Variants in UST observed in about 807,000 individuals in gnomAD.
UST encodes the protein chondroitin sulfate 2-O-sulfotransferase.
A neutral mutation model predicts 45.6 loss-of-function variants in UST; 21 were observed. The ratio of observed to expected loss-of-function variants is 0.46; its 90% confidence interval spans 0.33 to 0.66. UST has a LOEUF of 0.66. Among genes scored for constraint, UST ranks in the 30% least tolerant of loss-of-function variants. The pLI, the probability that UST is intolerant of heterozygous loss-of-function variation, is 0.02. For synonymous variants in UST, 215 were observed against 200.6 expected, an observed-to-expected ratio of 1.07 and a Z score of -0.61; for missense variants, 463 against 512.4, an observed-to-expected ratio of 0.90 and a Z score of 0.93.
intron 2 of UST, among the ~76,000 whole-genome samples, chr6:148,916,974 C>T (rs1241725682): frequency 6.6e-6 from 1 of 152,232 alleles, no homozygotes; most frequent in African/African-American, 2.4e-5. Context: ...TTCCCTTCCT[C>T]CCTTCCAGCT....
chr6:148,948,426 A>G (rs1431360359), intron 3 of UST, among the ~76,000 whole-genome samples: 1 of 152,218 alleles, frequency 6.6e-6, no homozygotes, highest in East Asian at 1.9e-4. Flanking sequence ...TGTTGGTAGA[A>G]CTGCAGGTAA....
intron 1 of UST, among the ~76,000 whole-genome samples, chr6:148,876,663 G>A (rs994551608): frequency 1.8e-4 from 28 of 152,060 alleles, no homozygotes; most frequent in African/African-American, 6.8e-4. Context: ...GATTGTGTCT[G>A]ATTGTGGCTA....
intron 1 of UST, among the ~76,000 whole-genome samples, chr6:148,829,362 T>C (rs570225021): frequency 2.9e-4 from 44 of 152,348 alleles, no homozygotes; most frequent in African/African-American, 1.1e-3. Flanking sequence ...TCTGCACTAA[T>C]GACCCTCTCT....
intron 2 of UST, among the ~76,000 whole-genome samples, chr6:148,908,094 A>T (rs772692350): frequency 6.6e-6 from 1 of 151,908 alleles, no homozygotes; most frequent in South Asian, 2.1e-4. Context: ...TTTTTAGTAG[A>T]GATATGGTTT....
At chr6:149,026,968 A>C (rs1241213641) in intron 7 of UST, among the ~76,000 whole-genome samples, 3 of 152,300 alleles carry the variant, frequency 2.0e-5, no homozygotes, top group South Asian at 4.1e-4. Flanking sequence ...CTTAAATCCT[A>C]ACTTTGAGGA....
intron 1 of UST, among the ~76,000 whole-genome samples, chr6:148,839,398 A>G (rs59540564): frequency 6.6e-6 from 1 of 152,044 alleles, no homozygotes; most frequent in Non-Finnish European, 1.5e-5. Flanking sequence ...TCTAAAGCCA[A>G]CCTCTCTGCT....
chr6:148,792,685 G>A (rs1776873581), intron 1 of UST, among the ~76,000 whole-genome samples: 1 of 152,076 alleles, frequency 6.6e-6, no homozygotes, highest in South Asian at 2.1e-4. Flanking sequence ...GCCATTTTCT[G>A]GGATCTATTT....
At chr6:148,792,172 A>G (rs1776861649) in intron 1 of UST, among the ~76,000 whole-genome samples, 1 of 152,202 alleles carries the variant, frequency 6.6e-6, no homozygotes, top group Admixed American at 6.5e-5. Context: ...ATTGGTATTC[A>G]CTGTTGCTGA....
At chr6:148,964,592 C>T in intron 5 of UST, 29 bp downstream of exon 5, 1 of 1,610,750 alleles carries the variant, frequency 6.2e-7, no homozygotes, top group Non-Finnish European at 8.5e-7. Flanking sequence ...AAAAGGCGGT[C>T]TCCCCACTGC....
intron 1 of UST, among the ~76,000 whole-genome samples, chr6:148,774,091 AG>A (rs1776484659): frequency 6.6e-6 from 1 of 152,174 alleles, no homozygotes; most frequent in Non-Finnish European, 1.5e-5. Flanking sequence ...ACCCTTTTGC[AG>A]GTCACGTGGC....
At chr6:148,757,006 T>G (rs1159711976) in intron 1 of UST, among the ~76,000 whole-genome samples, 3 of 152,248 alleles carry the variant, frequency 2.0e-5, no homozygotes, top group Admixed American at 6.5e-5. Flanking sequence ...TTATGACATA[T>G]GAGTACATAT....
chr6:148,900,797 C>G (rs757094407), intron 2 of UST, among the ~76,000 whole-genome samples: 5 of 152,216 alleles, frequency 3.3e-5, no homozygotes, highest in Non-Finnish European at 7.3e-5. Flanking sequence ...TGAAATGGGT[C>G]TCACTGGGCT....
intron 5 of UST, among the ~76,000 whole-genome samples, chr6:148,980,343 A>C (rs1781105699): frequency 6.6e-6 from 1 of 152,140 alleles, no homozygotes; most frequent in Admixed American, 6.5e-5. Flanking sequence ...GGCTGCTGCC[A>C]ACACCACAGT....
chr6:148,774,410 G>A (rs1776491438), intron 1 of UST, among the ~76,000 whole-genome samples: 1 of 151,882 alleles, frequency 6.6e-6, no homozygotes. Flanking sequence ...TGTGAAATGT[G>A]TAAAATCTTT....
chr6:148,882,378 C>G (rs948924519), intron 1 of UST, among the ~76,000 whole-genome samples: 1 of 148,566 alleles, frequency 6.7e-6, no homozygotes, highest in Non-Finnish European at 1.5e-5. Context: ...CCCAGCTACT[C>G]GGGAGGCTGA....
intron 5 of UST, among the ~76,000 whole-genome samples, chr6:149,015,116 G>A (rs1011969324): frequency 2.0e-5 from 3 of 152,054 alleles, no homozygotes; most frequent in Non-Finnish European, 2.9e-5. Flanking sequence ...GAGACCAGCC[G>A]GCCCTTTAGA....
intron 2 of UST, among the ~76,000 whole-genome samples, chr6:148,930,834 A>T (rs1042622692): frequency 1.3e-5 from 2 of 152,252 alleles, no homozygotes; most frequent in African/African-American, 4.8e-5. Flanking sequence ...CAGCTAAGAG[A>T]TTTAAACAAT....
At chr6:148,921,442 T>A (rs1375825580) in intron 2 of UST, among the ~76,000 whole-genome samples, 1 of 152,246 alleles carries the variant, frequency 6.6e-6, no homozygotes, top group South Asian at 2.1e-4. Flanking sequence ...TTGTATAGTA[T>A]GCTTGTTGTT....
chr6:148,776,902 C>CT (rs1429051561), intron 1 of UST, among the ~76,000 whole-genome samples: 1 of 152,188 alleles, frequency 6.6e-6, no homozygotes, highest in Non-Finnish European at 1.5e-5. Flanking sequence ...CTGCTGGGTG[C>CT]ACTCTTGGGT....
Sources: gnomAD v4.1 joint callset for allele counts (sites outside exome capture counted in the v4.1 genomes callset) on GRCh38, gnomAD v4.1.1 for gene constraint, MANE v1.5 for transcripts, NCBI Gene and HGNC (gene_info 2026-07-23, HGNC 2026-07-21) for gene names.